NCSTN: variants seen among roughly 807,000 people sequenced by gnomAD.
The protein encoded by NCSTN is nicastrin.
In NCSTN, 22 loss-of-function variants were observed where a neutral mutation model predicts 87.0. The observed-to-expected ratio is 0.25, with a 90% confidence interval of 0.18 to 0.36. The LOEUF (loss-of-function observed/expected upper bound fraction) is 0.36. Among genes scored for constraint, NCSTN ranks in the 10% least tolerant of loss-of-function variants. NCSTN has a pLI of 1.00. For synonymous variants in NCSTN, 306 were observed against 327.1 expected (o/e 0.94, Z 0.69); for missense variants, 693 against 883.3 (o/e 0.78, Z 2.73).
intron 8 of NCSTN, 46 bp downstream of exon 8, chr1:160,352,252 T>A (rs1648895510): frequency 1.9e-6 from 3 of 1,611,538 alleles, no homozygotes; most frequent in Non-Finnish European, 2.5e-6. Flanking sequence ...AGAAAGAGGA[T>A]AGTAAAGATG....
chr1:160,353,810 C>A (rs1571208359), intron 10 of NCSTN: 1 of 790,748 alleles, frequency 1.3e-6, no homozygotes, highest in Non-Finnish European at 1.5e-6. Flanking sequence ...CAATTCTGCA[C>A]AATAAATAAT....
At chr1:160,351,452 A>G in intron 6 of NCSTN, 80 bp downstream of exon 6, 1 of 1,513,310 alleles carries the variant, frequency 6.6e-7, no homozygotes, top group South Asian at 1.1e-5. Context: ...TGTTAGAGAG[A>G]CTGTAATAGG....
Position 160,349,080 on chromosome 1 carries a change from AC to A in NCSTN, c.278del (p.Pro93LeufsTer15). 6.2e-7 allele frequency: 1 copy of A among 1,614,066 alleles called. No individual in the cohort carries two copies. Among genetic ancestry groups the A allele is most frequent in the Non-Finnish European group, 8.5e-7 (1 of 1,179,996 alleles). On this transcript the variant is annotated frameshift_variant, in exon 3 of 17. Transcript: ENST00000294785. LOFTEE classifies it high-confidence loss of function. ...CAGTGGGTATTGACTGATGGCCCCA[AC>A]CCCCCTTACATGGTTCTGCTGGAGA... ...DLQWVLTDGP[N>X]PPYMVLLESK...
intron 3 of NCSTN, 63 bp from the exon 4 acceptor site, chr1:160,349,486 G>A: frequency 7.5e-6 from 12 of 1,606,888 alleles, no homozygotes; most frequent in Non-Finnish European, 1.0e-5. Context: ...CATCCTGCAG[G>A]CAGAATGTCA....
At chr1:160,354,342 T>G (rs1446273015) in intron 11 of NCSTN, 52 bp downstream of exon 11, 3 of 1,594,146 alleles carry the variant, frequency 1.9e-6, no homozygotes, top group Non-Finnish European at 1.7e-6. Context: ...GAGTCTATTC[T>G]GCAGTCTGGG....
intron 11 of NCSTN, among the ~76,000 whole-genome samples, chr1:160,354,870 G>A (rs770317406): frequency 2.6e-5 from 4 of 152,138 alleles, no homozygotes; most frequent in Non-Finnish European, 5.9e-5. Flanking sequence ...TTCTTACTCA[G>A]GCTGGATTGC....
chr1:160,351,586 A>G lies in NCSTN; in HGVS notation c.734-110A>G, dbSNP rs191536445. 7.8e-4 allele frequency: 995 copies of G among 1,283,772 alleles called. 1 individual carries two copies. The highest frequency in any genetic ancestry group is 1.3e-3 in the Admixed American group (77 of 59,572). 79.5% of individuals were successfully genotyped at this position (1,283,772 alleles called of 1,614,324 possible). Reference sequence around the variant, plus strand: ...GCCAACCTCGGACTGTTGGAAGTAGAGAAAACGACTTAGAGTCCGTGGGGC... The same window carrying G: ...GCCAACCTCGGACTGTTGGAAGTAGGGAAAACGACTTAGAGTCCGTGGGGC... On this transcript the variant is annotated intron_variant, in intron 6 of 16. Transcript: ENST00000294785.
chr1:160,355,101 G>A (rs1649059041), intron 11 of NCSTN, among the ~76,000 whole-genome samples: 1 of 152,222 alleles, frequency 6.6e-6, no homozygotes, highest in South Asian at 2.1e-4. Context: ...TTGACTTTGT[G>A]TGGGACAGGG....
At chr1:160,352,596 T>G (rs899719130) in intron 8 of NCSTN, among the ~76,000 whole-genome samples, 3 of 152,162 alleles carry the variant, frequency 2.0e-5, no homozygotes, top group African/African-American at 7.2e-5. Context: ...TCACTGGAGG[T>G]GGGGGACCGT....
chr1:160,352,256 A>G (rs904891546), intron 8 of NCSTN, 50 bp downstream of exon 8: 1 of 1,610,936 alleles, frequency 6.2e-7, no homozygotes, highest in Non-Finnish European at 8.5e-7. Context: ...AGAGGATAGT[A>G]AAGATGAGAG....
rs1648939187 is a variant in NCSTN, at chr1:160,352,906, G to A, written c.1016G>A (p.Gly339Asp). 6.2e-7 allele frequency: 1 copy of A among 1,613,988 alleles called. No individual in the cohort carries two copies. The highest frequency in any genetic ancestry group is 1.3e-5 in the African/African-American group (1 of 74,888). The change falls in exon 9 of 17, where the codon GGC (glycine) becomes GAC (aspartate). Residue 339 changes from glycine to aspartate, a missense_variant. Gly to Asp is a moderately conservative substitution (Grantham distance 94). Coordinates refer to ENST00000294785, the MANE Select transcript of NCSTN (RefSeq NM_015331.3). ...FFQGETFDYI[G>D]SSRMVYDMEK... Reference sequence around the variant, plus strand: ...TCTCAGGAAACTTTTGACTACATTGGCAGCTCGAGGATGGTCTACGATATG... The same window carrying A: ...TCTCAGGAAACTTTTGACTACATTGACAGCTCGAGGATGGTCTACGATATG...
intron 1 of NCSTN, chr1:160,344,451 T>G (rs1648330284): frequency 1.3e-6 from 2 of 1,486,308 alleles, no homozygotes; most frequent in Non-Finnish European, 8.9e-7. Context: ...ACACCTTTCC[T>G]TTGACCAAGT....
Position 160,356,241 on chromosome 1 carries a change from T to C in NCSTN, c.1552-19T>C. The C allele has an allele frequency of 2.5e-6, 4 of 1,582,940 alleles. No homozygotes were observed. Among genetic ancestry groups the C allele is most frequent in the Non-Finnish European group, 3.5e-6 (4 of 1,151,608 alleles). On this transcript the variant is annotated intron_variant, in intron 13 of 16. Coordinates refer to ENST00000294785, the MANE Select transcript of NCSTN (RefSeq NM_015331.3). Reference sequence around the variant, plus strand: ...CCTTCAAGTCACAGGGTTTTCTCTCTTTACTGTTCCAATCCTAGGTTACCC... The same window carrying C: ...CCTTCAAGTCACAGGGTTTTCTCTCCTTACTGTTCCAATCCTAGGTTACCC...
intron 16 of NCSTN, among the ~76,000 whole-genome samples, chr1:160,357,898 G>A (rs1216454161): frequency 6.6e-6 from 1 of 152,124 alleles, no homozygotes; most frequent in Non-Finnish European, 1.5e-5. Context: ...CAAAGCCATG[G>A]GCCCTCCTTT....
At chr1:160,353,315 A>T in intron 10 of NCSTN, 78 bp downstream of exon 10, 1 of 1,606,768 alleles carries the variant, frequency 6.2e-7, no homozygotes, top group East Asian at 2.2e-5. Flanking sequence ...GTTTCCACCA[A>T]CCCCCAGGGC....
At chr1:160,356,034 C>A in intron 13 of NCSTN, 76 bp downstream of exon 13, 1 of 1,384,416 alleles carries the variant, frequency 7.2e-7, no homozygotes, top group Non-Finnish European at 1.0e-6. Flanking sequence ...CCTAGTGTCC[C>A]AAACCTTGGA....
chr1:160,352,863 C>G lies in NCSTN; in HGVS notation c.997-24C>G. The G allele has an allele frequency of 1.9e-6, 3 of 1,587,356 alleles. No homozygotes were observed. In the South Asian group the frequency reaches 3.3e-5, roughly 18 times the overall value. On this transcript the variant is annotated intron_variant, in intron 8 of 16. Coordinates refer to ENST00000294785, the MANE Select transcript of NCSTN (RefSeq NM_015331.3). ...TAACCCTTTGGAATCTCTGTTCCCC[C>G]TCCCACCTACCTCCATCTCTCAGGA...
intron 1 of NCSTN, chr1:160,344,514 C>A: frequency 6.5e-7 from 1 of 1,547,798 alleles, no homozygotes; most frequent in South Asian, 1.2e-5. Context: ...TTGTAATAAC[C>A]CTTTGAGGCA....
At chr1:160,355,372 C>G (rs1451795494) in intron 11 of NCSTN, among the ~76,000 whole-genome samples, 1 of 152,196 alleles carries the variant, frequency 6.6e-6, no homozygotes, top group Non-Finnish European at 1.5e-5. Context: ...ATCTCCAGCC[C>G]AAATGATGTA....
Sources: gnomAD v4.1 joint callset for allele counts (sites outside exome capture counted in the v4.1 genomes callset) on GRCh38, gnomAD v4.1.1 for gene constraint, MANE v1.5 for transcripts, NCBI Gene and HGNC (gene_info 2026-07-23, HGNC 2026-07-21) for gene names.